Variants in DOCK6 observed in about 807,000 individuals in gnomAD.
DOCK6 encodes the protein dedicator of cytokinesis protein 6.
Under a neutral mutation model 230.3 loss-of-function variants are expected in DOCK6, and 167 were observed. That is an observed-to-expected ratio of 0.73 (90% confidence interval 0.64 to 0.82). DOCK6 has a LOEUF of 0.82. Ranked by LOEUF, DOCK6 falls within the 40% of genes least tolerant of loss-of-function variation. DOCK6 has a pLI of 0.00. For missense variants in DOCK6, 2,598 were observed against 2,825.8 expected, an observed-to-expected ratio of 0.92 and a Z score of 1.83; for synonymous variants, 1,148 against 1,185.0, an observed-to-expected ratio of 0.97 and a Z score of 0.64.
In DOCK6 at chr19:11,217,360, TGAG is replaced by T. The variant is rs751207460; in HGVS notation, c.3579_3581del (p.Ser1194del). ...CGCCTTCTGTGTCTGAGTCAAGCAT[TGAG>T]GCCAGTCTTGACCGCTGACCTGGGC... On this transcript the variant is annotated inframe_deletion, in exon 29 of 48. Transcript: ENST00000294618. 3.9e-5 allele frequency: 63 copies of T among 1,613,404 alleles called. No individual in the cohort carries two copies. Among genetic ancestry groups the T allele is most frequent in the Non-Finnish European group, 5.1e-5 (60 of 1,179,762 alleles).
At chr19:11,258,564 C>CT (rs1399174033) in intron 1 of DOCK6, among the ~76,000 whole-genome samples, 2 of 143,674 alleles carry the variant, frequency 1.4e-5, no homozygotes, top group East Asian at 4.2e-4. Context: ...TCCTGAGTAG[C>CT]TGGGATTACA....
rs34743007 is a variant in DOCK6 at position 11,208,770 on chromosome 19, G to C, written c.5004C>G (p.Asp1668Glu). ...GCTTCCCGGAGCAGAAGCCCTCCTC[G>C]TCGGGCGACAGGATGTCGTCGGAGA... ...SAISDDILSP[D>E]EEGFCSGKHF... The change falls in exon 39 of 48, where the codon GAC becomes GAG. Residue 1668 changes from aspartate to glutamate, a missense_variant. Physicochemically the swap from Asp to Glu is conservative, Grantham distance 45 (BLOSUM62 2). Transcript: ENST00000294618. 1 of 1,613,760 alleles carries C rather than the reference G, an allele frequency of 6.2e-7. No individual in the cohort carries two copies. The highest frequency in any genetic ancestry group is 8.5e-7 in the Non-Finnish European group (1 of 1,179,738).
intron 9 of DOCK6, among the ~76,000 whole-genome samples, 191 bp downstream of exon 9, chr19:11,245,372 C>T (rs1051891765): frequency 6.6e-6 from 1 of 152,150 alleles, no homozygotes; most frequent in Non-Finnish European, 1.5e-5. Context: ...GCTCAACTGT[C>T]GCCTCTCCCT....
At position 11,243,827 on chromosome 19, in the gene DOCK6, A is replaced by C; in HGVS notation, c.1079T>G (p.Val360Gly). 1.2e-6 allele frequency: 2 copies of C among 1,613,080 alleles called. No homozygotes were observed. Among genetic ancestry groups the C allele is most frequent in the South Asian group, 2.2e-5 (2 of 90,788 alleles). The change falls in exon 10 of 48, where the codon GTG becomes GGG. Residue 360 changes from valine (V) to glycine (G), a missense_variant. Val to Gly is a moderately radical substitution (Grantham distance 109). Transcript: ENST00000294618. This position sits in a 1 kb window ranked among gnomAD's most constrained non-coding sequence, Gnocchi z 6.3. ...CTTGGCTGTGTCCACTTCTTTCAAC[A>C]CCATGTAAGGCTCACAGCACTCACT... is the stretch of plus-strand genomic sequence containing the variant. Reference protein sequence around the residue: ...DISECCEPYMVLKEVDTAKNK... With the variant: ...DISECCEPYMGLKEVDTAKNK...
Position 11,222,456 on chromosome 19 carries a change from G to C in DOCK6, c.3241-208C>G, listed in dbSNP as rs2079595790. 2 of 764,960 alleles carry C rather than the reference G, an allele frequency of 2.6e-6. No individual in the cohort carries two copies. Among genetic ancestry groups the C allele is most frequent in the African/African-American group, 3.5e-5 (2 of 56,918 alleles). 47.4% of individuals were successfully genotyped at this position (764,960 alleles called of 1,614,324 possible). On this transcript the variant is annotated intron_variant, in intron 26 of 47. Transcript: ENST00000294618. This position sits in a 1 kb window ranked among gnomAD's most constrained non-coding sequence, Gnocchi z 4.0. ...CGTTAACCCATCTGTGATGTAACAGGGCACGGAGTCAAAAGTCAGAGGACT... is the reference window on the plus strand; with the variant it reads ...CGTTAACCCATCTGTGATGTAACAGCGCACGGAGTCAAAAGTCAGAGGACT...
Position 11,202,361 on chromosome 19 carries a change from C to T in DOCK6, c.5451+33G>A. The T allele has an allele frequency of 6.2e-7, 1 of 1,605,212 alleles. No individual in the cohort carries two copies. The highest frequency in any genetic ancestry group is 8.5e-7 in the Non-Finnish European group (1 of 1,175,634). Reference sequence around the variant, plus strand: ...AACAGCACTTGGAGTCTCTGTGAATCTAAGATTTTGGGGAAATGGTTGGGG... The same window carrying T: ...AACAGCACTTGGAGTCTCTGTGAATTTAAGATTTTGGGGAAATGGTTGGGG... On this transcript the variant is annotated intron_variant, in intron 43 of 47. Transcript: ENST00000294618. This position sits in a 1 kb window ranked among gnomAD's most constrained non-coding sequence, Gnocchi z 5.3.
intron 5 of DOCK6, 107 bp from the exon 6 acceptor site, chr19:11,251,193 CA>C (rs1318846222): frequency 6.7e-6 from 8 of 1,189,840 alleles, no homozygotes; most frequent in Admixed American, 2.0e-5. Context: ...AATTGAGGGT[CA>C]GGGGGTGAGG....
intron 28 of DOCK6, among the ~76,000 whole-genome samples, chr19:11,219,735 A>G (rs1284439529): frequency 2.0e-5 from 3 of 150,604 alleles, no homozygotes; most frequent in African/African-American, 4.9e-5. Flanking sequence ...GCTTGCAGTG[A>G]GCCGAGATAG....
At chr19:11,233,696 G>A (rs756884799) in intron 21 of DOCK6, among the ~76,000 whole-genome samples, 10 of 152,092 alleles carry the variant, frequency 6.6e-5, no homozygotes, top group African/African-American at 2.4e-4. Context: ...AAAATTAGCC[G>A]GGCATGGCAG....
Position 11,236,337 on chromosome 19 carries a change from T to C in DOCK6, c.2392+9A>G, listed in dbSNP as rs2079846560. ...GGGGAAACTGAGGTCTGAGGCCACATTCGCTTACCAATCTGGCCACTGATG... is the reference window on the plus strand; with the variant it reads ...GGGGAAACTGAGGTCTGAGGCCACACTCGCTTACCAATCTGGCCACTGATG... On this transcript the variant is annotated intron_variant, in intron 20 of 47. Coordinates refer to ENST00000294618, the MANE Select transcript of DOCK6 (RefSeq NM_020812.4). This position sits in a 1 kb window ranked among gnomAD's most constrained non-coding sequence, Gnocchi z 5.2. 1 of 1,540,886 alleles carries C rather than the reference T, an allele frequency of 6.5e-7. No individual in the cohort carries two copies. The highest frequency in any genetic ancestry group is 1.4e-5 in the African/African-American group (1 of 72,994).
At chr19:11,208,278 CTT>C (rs372026726) in intron 39 of DOCK6, 9,601 of 118,046 alleles carry the variant, frequency 0.081, 238 homozygotes, top group Non-Finnish European at 0.11. Context: ...ATTCTCCTTC[CTT>C]TTTTTTTTTT....
intron 21 of DOCK6, among the ~76,000 whole-genome samples, chr19:11,233,845 T>C (rs188631305): frequency 1.9e-3 from 288 of 151,826 alleles, no homozygotes; most frequent in African/African-American, 6.4e-3. Context: ...GACTTTTTTT[T>C]TTTTTTCTTA....
Position 11,204,227 on chromosome 19 carries a change from C to A in DOCK6, c.5193G>T (p.Gln1731His). The A allele has an allele frequency of 6.4e-7, 1 of 1,570,090 alleles. No homozygotes were observed. The highest frequency in any genetic ancestry group is 8.7e-7 in the Non-Finnish European group (1 of 1,156,056). ...GGTGCATGATCTTGGTGAAGGCCTC[C>A]TGCAGTTTGCCGTGCACCGCGGCCA... ...KKLAAVHGKL[Q>H]EAFTKIMHQS... The change falls in exon 40 of 48, where the codon CAG (glutamine) becomes CAT (histidine). Residue 1731 changes from glutamine to histidine, a missense_variant. Coordinates refer to ENST00000294618, the MANE Select transcript of DOCK6 (RefSeq NM_020812.4).
intron 41 of DOCK6, chr19:11,203,864 G>C: frequency 1.6e-6 from 1 of 626,932 alleles, no homozygotes; most frequent in Non-Finnish European, 2.8e-6. Flanking sequence ...GCTCCCAGCT[G>C]GGTGAGTCAC....
intron 39 of DOCK6, chr19:11,206,413 A>C (rs1057220680): frequency 6.6e-6 from 1 of 151,886 alleles, no homozygotes; most frequent in African/African-American, 2.4e-5. Context: ...TGAACGAAGA[A>C]AAAAAAATTA....
chr19:11,244,050 TA>T (rs2147854789), intron 9 of DOCK6, among the ~76,000 whole-genome samples, 168 bp from the exon 10 acceptor site: 1 of 152,334 alleles, frequency 6.6e-6, no homozygotes, highest in Admixed American at 6.5e-5. Context: ...GATCAAGGGT[TA>T]GTGTTGGCCT....
chr19:11,246,428 A>AT (rs1349393221), intron 7 of DOCK6, among the ~76,000 whole-genome samples: 1 of 146,934 alleles, frequency 6.8e-6, no homozygotes, highest in Non-Finnish European at 1.5e-5. Flanking sequence ...TTTTTATTTT[A>AT]TTTTTTTAGA....
At chr19:11,247,755 G>C in intron 7 of DOCK6, 1 of 272,916 alleles carries the variant, frequency 3.7e-6, no homozygotes. Flanking sequence ...TATGGTCTTG[G>C]CGTCATGTCA....
rs967826229 is a variant in DOCK6 at position 11,200,160 on chromosome 19, C to CA, written c.6101+147dup. The CA allele has an allele frequency of 0.016, 9,434 of 603,090 alleles. 19 individuals are homozygous for CA. The highest frequency in any genetic ancestry group is 0.023 in the Middle Eastern group (43 of 1,878). 37.4% of individuals were successfully genotyped at this position (603,090 alleles called of 1,614,324 possible). ...AGGGAGAGTCTCTCAAAAAAAAAAA[C>CA]AAAAAAAAAACCGGAAACAAAACAA... is the stretch of plus-strand genomic sequence containing the variant. On this transcript the variant is annotated intron_variant, in intron 47 of 47. Transcript: ENST00000294618. The surrounding 1 kb of genome is among the most constrained non-coding windows in gnomAD (Gnocchi z 4.3).
Sources: allele counts gnomAD v4.1 joint callset (sites outside exome capture counted in the v4.1 genomes callset), GRCh38; gene constraint gnomAD v4.1.1; non-coding constraint Gnocchi (gnomAD v3.1); transcripts MANE v1.5; gene names NCBI Gene and HGNC (gene_info 2026-07-23, HGNC 2026-07-21).